DAB1: variants seen among roughly 807,000 people sequenced by gnomAD.
DAB1 encodes the protein DAB adaptor protein 1.
A neutral mutation model predicts 64.6 loss-of-function variants in DAB1; 15 were observed. That is an observed-to-expected ratio of 0.23 (90% confidence interval 0.16 to 0.36). The LOEUF (loss-of-function observed/expected upper bound fraction) is 0.36, where lower values mean the gene tolerates loss of function less well. DAB1 is among the 10% of genes least tolerant of loss of function. DAB1 has a pLI of 1.00. For synonymous variants in DAB1, 235 were observed against 251.9 expected (o/e 0.93, Z 0.64); for missense variants, 596 against 706.7 (o/e 0.84, Z 1.78).
At chr1:57,312,738 G>A (rs1011043864) in intron 1 of DAB1, among the ~76,000 whole-genome samples, 1 of 152,146 alleles carries the variant, frequency 6.6e-6, no homozygotes, top group African/African-American at 2.4e-5. Context: ...ACCTCTCGGT[G>A]TGCAGGGAAA....
chr1:57,442,372 A>T (rs970642106), intron 7 of DAB1, among the ~76,000 whole-genome samples: 4 of 152,210 alleles, frequency 2.6e-5, no homozygotes, highest in African/African-American at 9.6e-5. Context: ...TAGAAAAGCA[A>T]GCCTTGGGAT....
chr1:57,610,611 C>T (rs1437139362), intron 7 of DAB1, among the ~76,000 whole-genome samples: 1 of 152,166 alleles, frequency 6.6e-6, no homozygotes, highest in Non-Finnish European at 1.5e-5. Flanking sequence ...GTTTAATTGA[C>T]TCACATGGCT....
intron 1 of DAB1, among the ~76,000 whole-genome samples, chr1:57,882,143 T>C (rs1265558699): frequency 6.6e-6 from 1 of 152,114 alleles, no homozygotes. Context: ...CTGCACAGTA[T>C]GATAGAGAGT....
At chr1:58,373,692 C>A (rs1425535885) in intron 3 of DAB1, among the ~76,000 whole-genome samples, 1 of 152,002 alleles carries the variant, frequency 6.6e-6, no homozygotes, top group Admixed American at 6.6e-5. Flanking sequence ...GGGTATATAC[C>A]CAGTAATGGG....
chr1:57,693,429 C>A (rs887451548), intron 6 of DAB1, among the ~76,000 whole-genome samples: 1 of 152,092 alleles, frequency 6.6e-6, no homozygotes, highest in Non-Finnish European at 1.5e-5. Flanking sequence ...TCTGTAAAAA[C>A]GCACCAATCA....
chr1:58,032,079 C>CTATGG (rs1260449248), intron 5 of DAB1, among the ~76,000 whole-genome samples: 1 of 149,540 alleles, frequency 6.7e-6, no homozygotes, highest in Non-Finnish European at 1.5e-5. Flanking sequence ...AAAGTGTGGT[C>CTATGG]TATGGACAAG....
At chr1:58,327,606 T>C (rs536728091) in intron 4 of DAB1, among the ~76,000 whole-genome samples, 2 of 152,280 alleles carry the variant, frequency 1.3e-5, no homozygotes, top group South Asian at 4.2e-4. Context: ...GCTATGGGGA[T>C]GCGAATAGTA....
intron 1 of DAB1, among the ~76,000 whole-genome samples, chr1:57,850,392 G>A (rs938884061): frequency 6.6e-6 from 1 of 151,740 alleles, no homozygotes; most frequent in Non-Finnish European, 1.5e-5. Context: ...CCAAGGACAC[G>A]CTGTAAAAAG....
chr1:57,182,574 A>G (rs1235271722), intron 2 of DAB1, among the ~76,000 whole-genome samples: 1 of 152,168 alleles, frequency 6.6e-6, no homozygotes, highest in East Asian at 1.9e-4. Flanking sequence ...ACCCTAGAGA[A>G]CCTCAATTTC....
chr1:57,037,614 C>T (rs1283378264), intron 9 of DAB1, among the ~76,000 whole-genome samples: 2 of 152,244 alleles, frequency 1.3e-5, no homozygotes, highest in African/African-American at 4.8e-5. Context: ...AGATTCCAGG[C>T]ATCTGAATGC....
chr1:58,404,325 A>G (rs551864489), intron 3 of DAB1, among the ~76,000 whole-genome samples: 1 of 152,262 alleles, frequency 6.6e-6, no homozygotes, highest in African/African-American at 2.4e-5. Flanking sequence ...TTTCACAAGC[A>G]GATGAATCCT....
chr1:57,234,053 A>G (rs1667905146), intron 2 of DAB1, among the ~76,000 whole-genome samples: 1 of 152,210 alleles, frequency 6.6e-6, no homozygotes, highest in African/African-American at 2.4e-5. Flanking sequence ...AAAACTACAG[A>G]AAGAATACTG....
intron 4 of DAB1, among the ~76,000 whole-genome samples, chr1:58,218,987 C>T (rs1447867285): frequency 7.2e-6 from 1 of 138,970 alleles, no homozygotes; most frequent in Non-Finnish European, 1.5e-5. Flanking sequence ...TAATTCTGGC[C>T]ATTCTCTCTC....
At chr1:57,189,648 G>A (rs2100998167) in intron 2 of DAB1, among the ~76,000 whole-genome samples, 1 of 152,204 alleles carries the variant, frequency 6.6e-6, no homozygotes, top group South Asian at 2.1e-4. Flanking sequence ...ATACAAAGTT[G>A]CCAGCACATT....
chr1:57,000,202 C>A (rs1356525302), intron 14 of DAB1, among the ~76,000 whole-genome samples: 1 of 152,036 alleles, frequency 6.6e-6, no homozygotes, highest in Non-Finnish European at 1.5e-5. Flanking sequence ...CACCACCACG[C>A]CCGGCTAATT....
At chr1:58,169,135 C>T (rs147610807) in intron 4 of DAB1, among the ~76,000 whole-genome samples, 1 of 152,316 alleles carries the variant, frequency 6.6e-6, no homozygotes, top group East Asian at 1.9e-4. Flanking sequence ...GTTTCTGCTG[C>T]TGTGTCAGTG....
intron 2 of DAB1, among the ~76,000 whole-genome samples, chr1:57,161,035 G>A (rs921466691): frequency 6.6e-6 from 1 of 152,020 alleles, no homozygotes; most frequent in African/African-American, 2.4e-5. Context: ...CTCCTCCAGC[G>A]GTTCTGATTC....
chr1:57,145,439 G>A lies in DAB1; in HGVS notation c.68-10C>T, dbSNP rs761893654. On this transcript the variant is annotated splice_polypyrimidine_tract_variant and intron_variant, in intron 2 of 14. Transcript: ENST00000371236. ...TCACTGCGATCCTGACCTAAAAAGA[G>A]AAAAAGCAGATTCAAATATGTAGCT... 4.3e-6 allele frequency: 7 copies of A among 1,613,418 alleles called. No homozygotes were observed. The highest frequency in any genetic ancestry group is 5.9e-6 in the Non-Finnish European group (7 of 1,179,714).
chr1:57,319,427 G>A (rs1675504276), intron 1 of DAB1, among the ~76,000 whole-genome samples: 1 of 152,138 alleles, frequency 6.6e-6, no homozygotes, highest in Non-Finnish European at 1.5e-5. Context: ...TCCTCTGCAT[G>A]AGTCACCAAG....
Sources: allele counts gnomAD v4.1 joint callset (sites outside exome capture counted in the v4.1 genomes callset), GRCh38; gene constraint gnomAD v4.1.1; transcripts MANE v1.5; gene names NCBI Gene and HGNC (gene_info 2026-07-23, HGNC 2026-07-21).